IGSF5: variants seen among roughly 807,000 people sequenced by gnomAD.
IGSF5 encodes immunoglobulin superfamily 5 like.
IGSF5 carries 41 observed loss-of-function variants against 39.4 expected under a neutral mutation model. That is an observed-to-expected ratio of 1.04 (90% CI 0.81 to 1.35). The LOEUF (loss-of-function observed/expected upper bound fraction) is 1.35. Ranked by LOEUF, IGSF5 falls within the 40% of genes most tolerant of loss-of-function variation. IGSF5 has a pLI of 0.00. For missense variants in IGSF5, 487 were observed against 494.6 expected, an observed-to-expected ratio of 0.98 and a Z score of 0.15; for synonymous variants, 183 against 175.3, an observed-to-expected ratio of 1.04 and a Z score of -0.34.
chr21:39,745,528 T>A lies in IGSF5; in HGVS notation c.17+2T>A, dbSNP rs1352476900. Reference sequence around the variant, plus strand: ...AGGAGGTATGGGTCAGAAGGAAAGGTAAGGGCGCATGCGTGGGCGACTGTT... The same window carrying A: ...AGGAGGTATGGGTCAGAAGGAAAGGAAAGGGCGCATGCGTGGGCGACTGTT... On this transcript the variant is annotated splice_donor_variant, in intron 1 of 8. Coordinates refer to ENST00000380588, the MANE Select transcript of IGSF5 (RefSeq NM_001080444.2). LOFTEE classifies it high-confidence loss of function. 1.5e-5 allele frequency: 11 copies of A among 716,784 alleles called. No individual in the cohort carries two copies. The Admixed American group carries it at 2.2e-4, about 14-fold the overall frequency. The allele number at this position is 716,784 out of a possible 1,614,324, so 44.4% of individuals were successfully genotyped here.
At position 39,746,239 on chromosome 21, in the gene IGSF5, A is replaced by C; in HGVS notation, c.41A>C (p.Asp14Ala). Reference protein sequence around the residue: ...KERSTADTLPDLEEWKSAAGL... With the variant: ...KERSTADTLPALEEWKSAAGL... ...AGGAGCACAGCAGATACTCTGCCGG[A>C]TCTGGAGGAATGGAAGTCAGCGGCG... Residue 14 changes from aspartate to alanine, a missense_variant, in exon 2 of 9, where the codon GAT becomes GCT. Coordinates refer to ENST00000380588, the MANE Select transcript of IGSF5 (RefSeq NM_001080444.2). 1 of 701,882 alleles carries C rather than the reference A, an allele frequency of 1.4e-6. No homozygotes were observed. Among genetic ancestry groups the C allele is most frequent in the Non-Finnish European group, 2.6e-6 (1 of 384,796 alleles). The allele number at this position is 701,882 out of a possible 1,614,324, so 43.5% of individuals were successfully genotyped here.
At chr21:39,741,562 A>T (rs1036519013), upstream of IGSF5, among the ~76,000 whole-genome samples, 7 of 152,232 alleles carry the variant, frequency 4.6e-5, no homozygotes, top group Non-Finnish European at 8.8e-5. Flanking sequence ...CGGGCAGCTA[A>T]AAGTAAATCA....
At position 39,779,181 on chromosome 21, in the gene IGSF5, A is replaced by G; in HGVS notation, c.810A>G (p.Gly270=). ...CTACTTGGGGCAAAGTTGGACTTGGACTAGCAGGCACCATGCTTCTGACGC... is the reference window on the plus strand; with the variant it reads ...CTACTTGGGGCAAAGTTGGACTTGGGCTAGCAGGCACCATGCTTCTGACGC... ...SLPTWGKVGL[G]LAGTMLLTPT... is the part of the protein sequence containing the mutation. Residue 270 remains glycine (G), a synonymous_variant, in exon 5 of 9, where the codon GGA becomes GGG. Transcript: ENST00000380588. 6.2e-7 allele frequency: 1 copy of G among 1,614,144 alleles called. No individual in the cohort carries two copies. The highest frequency in any genetic ancestry group is 8.5e-7 in the Non-Finnish European group (1 of 1,180,016).
intron 8 of IGSF5, among the ~76,000 whole-genome samples, chr21:39,794,758 G>A (rs1037344520): frequency 6.6e-6 from 1 of 152,184 alleles, no homozygotes; most frequent in African/African-American, 2.4e-5. Flanking sequence ...GATGGGTTGG[G>A]TTTGTTCTGC....
intron 7 of IGSF5, 46 bp downstream of exon 7, chr21:39,792,145 C>G: frequency 7.5e-7 from 1 of 1,330,394 alleles, no homozygotes; most frequent in Non-Finnish European, 1.1e-6. Flanking sequence ...AAAGAGAGAG[C>G]TGGAAGAAGG....
At chr21:39,712,389 A>G in the IGSF5 span, among the ~76,000 whole-genome samples, 1 of 152,094 alleles carries the variant, frequency 6.6e-6, no homozygotes, top group East Asian at 1.9e-4. Flanking sequence ...ACGTTTTGTA[A>G]ACCCTCGGAT....
chr21:39,793,473 G>T, intron 7 of IGSF5, 61 bp from the exon 8 acceptor site: 2 of 1,260,150 alleles, frequency 1.6e-6, no homozygotes, highest in Non-Finnish European at 2.3e-6. Flanking sequence ...AATCAGAATT[G>T]TTAGAGCACA....
At chr21:39,758,448 C>T (rs1327993251) in intron 2 of IGSF5, among the ~76,000 whole-genome samples, 1 of 152,174 alleles carries the variant, frequency 6.6e-6, no homozygotes, top group Non-Finnish European at 1.5e-5. Context: ...CCTCGTTTCT[C>T]ACCTCTTCAA....
At chr21:39,726,419 G>A in the IGSF5 span, among the ~76,000 whole-genome samples, 84 of 152,280 alleles carry the variant, frequency 5.5e-4, no homozygotes, top group Non-Finnish European at 8.8e-4. Context: ...CAGAAGACAC[G>A]CAGGCCTCTG....
chr21:39,736,134 G>A, the IGSF5 span, among the ~76,000 whole-genome samples: 1 of 151,836 alleles, frequency 6.6e-6, no homozygotes, highest in Non-Finnish European at 1.5e-5. Context: ...CTGCTGCCTC[G>A]ATACCCATCA....
At chr21:39,766,655 C>T (rs896306987) in intron 3 of IGSF5, among the ~76,000 whole-genome samples, 1 of 152,012 alleles carries the variant, frequency 6.6e-6, no homozygotes, top group South Asian at 2.1e-4. Context: ...TTTGGAGGTG[C>T]TGAAGATAAT....
rs559303520 is a variant in IGSF5 at position 39,801,338 on chromosome 21, G to A, written c.1205G>A (p.Ser402Asn). The change falls in exon 9 of 9, where the codon AGT (serine) becomes AAT (asparagine). Residue 402 changes from serine to asparagine, a missense_variant. Coordinates refer to ENST00000380588, the MANE Select transcript of IGSF5 (RefSeq NM_001080444.2). ...AATCTGGCCAGTCCTGAGAAGGTCAGTAATACAACTGTAGTATAGCAAAGC... is the reference window on the plus strand; with the variant it reads ...AATCTGGCCAGTCCTGAGAAGGTCAATAATACAACTGTAGTATAGCAAAGC... ...SFNLASPEKV[S>N]NTTVV The A allele has an allele frequency of 4.3e-6, 7 of 1,613,668 alleles. No individual in the cohort carries two copies. In the East Asian group the frequency reaches 8.9e-5, roughly 21 times the overall value.
rs761800062 is a variant in IGSF5 at position 39,792,026 on chromosome 21, GACAA to G, written c.981_984del (p.Asn327LysfsTer79). On this transcript the variant is annotated frameshift_variant, in exon 7 of 9. Coordinates refer to ENST00000380588, the MANE Select transcript of IGSF5 (RefSeq NM_001080444.2). LOFTEE classifies it high-confidence loss of function. ...ATTGTAGGAAATCTGAAAAAGAGAA[GACAA>G]ACAAAGAAACTGAGACAGAAAGTGG... 1.2e-4 allele frequency: 195 copies of G among 1,608,316 alleles called. No individual in the cohort carries two copies. In the African/African-American group the frequency reaches 1.6e-3, roughly 13 times the overall value.
chr21:39,778,100 T>C (rs962084622), intron 4 of IGSF5, among the ~76,000 whole-genome samples: 7 of 152,090 alleles, frequency 4.6e-5, no homozygotes, highest in African/African-American at 1.4e-4. Flanking sequence ...AACTTAAATG[T>C]GTGTGGTTTG....
At chr21:39,777,774 C>T (rs753777209) in intron 4 of IGSF5, among the ~76,000 whole-genome samples, 30 of 152,290 alleles carry the variant, frequency 2.0e-4, no homozygotes, top group Non-Finnish European at 4.0e-4. Flanking sequence ...GGTGCATAGA[C>T]TTCTATTCTC....
At position 39,765,796 on chromosome 21, in the gene IGSF5, T is replaced by C. The variant is rs772914698; in HGVS notation, c.362T>C (p.Ile121Thr). The C allele has an allele frequency of 1.2e-6, 2 of 1,613,918 alleles. No homozygotes were observed. Among genetic ancestry groups the C allele is most frequent in the Non-Finnish European group, 1.7e-6 (2 of 1,180,010 alleles). The change falls in exon 3 of 9, where the codon ATC (isoleucine) becomes ACC (threonine). Residue 121 changes from isoleucine to threonine, a missense_variant. Transcript: ENST00000380588. ...GTGGAGCCCAGTGATTCGGGGAACA[T>C]CAGATGCAGCCTCCAGAACAGTCGC... is the stretch of plus-strand genomic sequence containing the variant. ...HNVEPSDSGN[I>T]RCSLQNSRLH...
the IGSF5 span, among the ~76,000 whole-genome samples, chr21:39,715,382 G>T: frequency 1.2e-4 from 18 of 152,190 alleles, no homozygotes; most frequent in Non-Finnish European, 2.6e-4. Flanking sequence ...AGCTCCCAAA[G>T]TGATGGGATT....
rs144872474 is a variant in IGSF5 at position 39,764,343 on chromosome 21, T to A, written c.101-1192T>A. On this transcript the variant is annotated intron_variant, in intron 2 of 8. Coordinates refer to ENST00000380588, the MANE Select transcript of IGSF5 (RefSeq NM_001080444.2). Reference sequence around the variant, plus strand: ...GCTATAATGAGATTCTTTTAGAACCTGCCTTGCCATTTTTTTAGACAGAGT... The same window carrying A: ...GCTATAATGAGATTCTTTTAGAACCAGCCTTGCCATTTTTTTAGACAGAGT... Among the ~76,000 whole-genome samples, 1,239 of 152,282 alleles carry A rather than the reference T, an allele frequency of 8.1e-3. 54 individuals are homozygous for A. Among genetic ancestry groups the A allele is most frequent in the Admixed American group, 0.073 (1,109 of 15,286 alleles).
intron 8 of IGSF5, among the ~76,000 whole-genome samples, chr21:39,796,515 A>G (rs1487551245): frequency 6.6e-6 from 1 of 152,196 alleles, no homozygotes; most frequent in African/African-American, 2.4e-5. Flanking sequence ...GACAGCTGAG[A>G]GCTATTCAGA....
Sources: gnomAD v4.1 joint callset for allele counts (sites outside exome capture counted in the v4.1 genomes callset) on GRCh38, gnomAD v4.1.1 for gene constraint, MANE v1.5 for transcripts, NCBI Gene and HGNC (gene_info 2026-07-23, HGNC 2026-07-21) for gene names.